The following BCAS3 variants were observed in gnomAD, a reference collection of about 807,000 sequenced individuals.
BCAS3 encodes BCAS4/BCAS3 fusion.
A neutral mutation model predicts 116.1 loss-of-function variants in BCAS3; 53 were observed. The observed-to-expected ratio is 0.46, with a 90% confidence interval of 0.37 to 0.57. BCAS3 has a LOEUF of 0.57. Among genes scored for constraint, BCAS3 ranks in the 20% least tolerant of loss-of-function variants. The pLI is 0.00. For missense variants in BCAS3, 917 were observed against 1,165.4 expected (o/e 0.79, Z 3.10); for synonymous variants, 391 against 408.2 (o/e 0.96, Z 0.51).
Position 61,392,094 on chromosome 17 carries a change from C to T in BCAS3, c.2711C>T (p.Pro904Leu). ...RSPLPTNESQ[P>L]LSLFPTGFP ...CCGCTGCCCACCAATGAGAGCCAGC[C>T]CCTCAGCCTCTTCCCGACTGGCTTC... The change falls in exon 24 of 24, where the codon CCC (proline) becomes CTC (leucine). Residue 904 changes from proline to leucine, a missense_variant. Coordinates refer to ENST00000407086, the MANE Select transcript of BCAS3 (RefSeq NM_017679.5). This position sits in a 1 kb window ranked among gnomAD's most constrained non-coding sequence, Gnocchi z 6.4. The T allele has an allele frequency of 1.2e-6, 2 of 1,613,786 alleles. No individual in the cohort carries two copies. The highest frequency in any genetic ancestry group is 1.7e-6 in the Non-Finnish European group (2 of 1,179,982).
chr17:61,039,410 G>T (rs2067321256), intron 18 of BCAS3, among the ~76,000 whole-genome samples: 1 of 151,984 alleles, frequency 6.6e-6, no homozygotes, highest in African/African-American at 2.4e-5. Context: ...TTCATGTACA[G>T]ATTCTTGTGT....
At position 61,037,755 on chromosome 17, in the gene BCAS3, GA is replaced by G. The variant is rs1334499532; in HGVS notation, c.1763-127del. The G allele has an allele frequency of 6.7e-6, 6 of 897,660 alleles. No individual in the cohort carries two copies. The highest frequency in any genetic ancestry group is 3.9e-4 in the Middle Eastern group (1 of 2,552). 55.6% of individuals were successfully genotyped at this position (897,660 alleles called of 1,614,324 possible). ...TCCATCTCCAAAAAAAAGAAAAAAA[GA>G]AAAAAATTCCTGTCTTTTCATTTTC... On this transcript the variant is annotated intron_variant, in intron 17 of 23. Transcript: ENST00000407086. This position sits in a 1 kb window ranked among gnomAD's most constrained non-coding sequence, Gnocchi z 4.7.
rs1172450106 is a variant in BCAS3 at position 61,316,154 on chromosome 17, A to G, written c.2426-52173A>G. ...ACCCCCATCTCTACTAAAAATTACA[A>G]AATTAGCCAGGCATGGTGGTGCATG... On this transcript the variant is annotated intron_variant, in intron 22 of 23. Transcript: ENST00000407086. The surrounding 1 kb of genome is among the most constrained non-coding windows in gnomAD (Gnocchi z 5.8). Among the ~76,000 whole-genome samples, 2 of 151,854 alleles carry G rather than the reference A, an allele frequency of 1.3e-5. No individual in the cohort carries two copies. Among genetic ancestry groups the G allele is most frequent in the Admixed American group, 1.3e-4 (2 of 15,250 alleles).
Position 61,343,242 on chromosome 17 carries a change from C to T in BCAS3, c.2426-25085C>T, listed in dbSNP as rs1040939052. The stretch of plus-strand genomic sequence containing the variant: ...GTTGCCACACAAGGTGGGGAAGTGA[C>T]GTTTCTAAAGGTGCCATGTGGAGGA... On this transcript the variant is annotated intron_variant, in intron 22 of 23. Transcript: ENST00000407086. The surrounding 1 kb of genome is among the most constrained non-coding windows in gnomAD (Gnocchi z 5.5). Among the ~76,000 whole-genome samples the T allele has an allele frequency of 2.6e-5, 4 of 152,180 alleles. No homozygotes were observed. The highest frequency in any genetic ancestry group is 2.1e-4 in the South Asian group (1 of 4,826).
intron 13 of BCAS3, 115 bp from the exon 14 acceptor site, chr17:60,947,104 C>G (rs1350948974): frequency 4.8e-6 from 5 of 1,034,938 alleles, no homozygotes; most frequent in Admixed American, 4.7e-5. Flanking sequence ...TTTCTTATAG[C>G]CTTGGTAATT....
rs1440689100 is a variant in BCAS3, at chr17:61,391,766, T to G, written c.2594-211T>G. 1.7e-6 allele frequency: 1 copy of G among 589,500 alleles called. No homozygotes were observed. The highest frequency in any genetic ancestry group is 3.0e-6 in the Non-Finnish European group (1 of 333,072). The allele number at this position is 589,500 out of a possible 1,614,324, so 36.5% of individuals were successfully genotyped here. A position where few individuals can be genotyped will look rare whatever the true frequency, so the allele number is the denominator to read the frequency against. ...GGGAGACGGTGCTCTCACACCAGAG[T>G]CTGCCAGCCAGGGGGCTTTCCCTCC... On this transcript the variant is annotated intron_variant, in intron 23 of 23. Transcript: ENST00000407086. This position sits in a 1 kb window ranked among gnomAD's most constrained non-coding sequence, Gnocchi z 7.7.
chr17:60,934,190 G>T (rs534739573), intron 13 of BCAS3, among the ~76,000 whole-genome samples: 1 of 152,264 alleles, frequency 6.6e-6, no homozygotes, highest in East Asian at 1.9e-4. Flanking sequence ...GAAGGAGAGT[G>T]CCCATGAAGA....
intron 18 of BCAS3, among the ~76,000 whole-genome samples, chr17:61,038,354 G>T (rs1481705755): frequency 1.4e-5 from 2 of 146,920 alleles, no homozygotes; most frequent in Non-Finnish European, 3.0e-5. Context: ...CTCAGCTCAA[G>T]CGATTCTCCT....
At chr17:61,240,034 T>C (rs1372386472) in intron 22 of BCAS3, among the ~76,000 whole-genome samples, 1 of 152,198 alleles carries the variant, frequency 6.6e-6, no homozygotes, top group African/African-American at 2.4e-5. Flanking sequence ...ATTTACATTC[T>C]CCTGGTGACA....
chr17:61,287,152 G>T (rs374249022), intron 22 of BCAS3, among the ~76,000 whole-genome samples: 1 of 151,824 alleles, frequency 6.6e-6, no homozygotes, highest in Non-Finnish European at 1.5e-5. Flanking sequence ...GGAGGCTGAG[G>T]CAGGAGAATG....
At chr17:61,085,398 T>A (rs1404299994) in intron 22 of BCAS3, among the ~76,000 whole-genome samples, 1 of 152,208 alleles carries the variant, frequency 6.6e-6, no homozygotes, top group African/African-American at 2.4e-5. Flanking sequence ...TCAAAATCCC[T>A]AGAGACTGCT....
intron 13 of BCAS3, among the ~76,000 whole-genome samples, chr17:60,936,079 A>T (rs925936027): frequency 6.7e-6 from 1 of 149,588 alleles, no homozygotes; most frequent in Non-Finnish European, 1.5e-5. Flanking sequence ...TCATTGTTCA[A>T]TTCCTACCTA....
At chr17:60,858,266 G>A (rs546672466) in intron 7 of BCAS3, among the ~76,000 whole-genome samples, 19 of 152,172 alleles carry the variant, frequency 1.2e-4, no homozygotes, top group African/African-American at 4.6e-4. Flanking sequence ...TCATAAAAAT[G>A]ATACACTAAC....
chr17:60,701,626 T>C (rs1374201499), intron 4 of BCAS3, among the ~76,000 whole-genome samples: 1 of 152,112 alleles, frequency 6.6e-6, no homozygotes. Context: ...ATGCATAAGA[T>C]GTATAGATAC....
At chr17:61,154,998 A>G (rs1369005981) in intron 22 of BCAS3, among the ~76,000 whole-genome samples, 2 of 151,562 alleles carry the variant, frequency 1.3e-5, no homozygotes, top group African/African-American at 4.9e-5. Context: ...TTTTTTCTTG[A>G]AATTTTCTTT....
chr17:60,999,296 T>A (rs1419442764), intron 15 of BCAS3, among the ~76,000 whole-genome samples: 1 of 151,906 alleles, frequency 6.6e-6, no homozygotes, highest in Non-Finnish European at 1.5e-5. Context: ...TCCCAGCACT[T>A]TGGGAGATGA....
At chr17:61,100,719 A>G (rs762558555) in intron 22 of BCAS3, among the ~76,000 whole-genome samples, 1 of 152,148 alleles carries the variant, frequency 6.6e-6, no homozygotes, top group South Asian at 2.1e-4. Flanking sequence ...TTTGCCTGGA[A>G]CAGTAATTAC....
chr17:61,045,609 AGT>A (rs2067981881), intron 19 of BCAS3, among the ~76,000 whole-genome samples: 1 of 149,670 alleles, frequency 6.7e-6, no homozygotes, highest in Admixed American at 6.7e-5. Flanking sequence ...TGAAGCCAGG[AGT>A]TTGATATCAG....
At position 61,087,690 on chromosome 17, in the gene BCAS3, T is replaced by TA. The variant is rs1205021602; in HGVS notation, c.2425+3127dup. Among the ~76,000 whole-genome samples the TA allele has an allele frequency of 6.6e-6, 1 of 152,226 alleles. No individual in the cohort carries two copies. The highest frequency in any genetic ancestry group is 1.5e-5 in the Non-Finnish European group (1 of 68,036). On this transcript the variant is annotated intron_variant, in intron 22 of 23. Transcript: ENST00000407086. The surrounding 1 kb of genome is among the most constrained non-coding windows in gnomAD (Gnocchi z 4.6). ...TTGCAAAGAAACACATTGCCTAAAATACATATTTTTAAATTATTAACTTCA... is the reference window on the plus strand; with the variant it reads ...TTGCAAAGAAACACATTGCCTAAAATAACATATTTTTAAATTATTAACTTCA...
Sources: allele counts gnomAD v4.1 joint callset (sites outside exome capture counted in the v4.1 genomes callset), GRCh38; gene constraint gnomAD v4.1.1; non-coding constraint Gnocchi (gnomAD v3.1); transcripts MANE v1.5; gene names NCBI Gene and HGNC (gene_info 2026-07-23, HGNC 2026-07-21).